The following PCDHA8 variants were observed in gnomAD, a reference collection of about 807,000 sequenced individuals.
PCDHA8 encodes the protein protocadherin alpha-8.
A neutral mutation model predicts 61.8 loss-of-function variants in PCDHA8; 53 were observed. That is an observed-to-expected ratio of 0.86 (90% CI 0.69 to 1.08). PCDHA8 has a LOEUF of 1.08. Ranked by LOEUF, PCDHA8 falls within the 50% of genes least tolerant of loss-of-function variation. The pLI is 0.00. For synonymous variants in PCDHA8, 618 were observed against 556.6 expected, an observed-to-expected ratio of 1.11 and a Z score of -1.55; for missense variants, 1,293 against 1,245.0, an observed-to-expected ratio of 1.04 and a Z score of -0.58.
At chr5:140,957,799 TA>T (rs1430681763) in intron 1 of PCDHA8, among the ~76,000 whole-genome samples, 2 of 152,032 alleles carry the variant, frequency 1.3e-5, no homozygotes, top group African/African-American at 2.4e-5. Context: ...ATATGTTAAG[TA>T]AAAAAAAGTC....
intron 1 of PCDHA8, chr5:140,861,630 G>A (rs2047000934): frequency 6.3e-6 from 2 of 317,346 alleles, no homozygotes; most frequent in Admixed American, 6.9e-5. Flanking sequence ...AGTGTTCTCA[G>A]CAACACAAAA....
chr5:140,924,900 AAAAAAT>A (rs2082118159), intron 1 of PCDHA8, among the ~76,000 whole-genome samples: 2 of 63,328 alleles, frequency 3.2e-5, no homozygotes, highest in African/African-American at 5.4e-5. Flanking sequence ...GTCTCAAAAA[AAAAAAT>A]AAAATAAAAT....
At chr5:140,901,340 T>G (rs1306421981) in intron 1 of PCDHA8, among the ~76,000 whole-genome samples, 1 of 152,206 alleles carries the variant, frequency 6.6e-6, no homozygotes, top group Non-Finnish European at 1.5e-5. Context: ...CGTTTTATAG[T>G]TTGATGTCTT....
chr5:140,927,897 T>A, intron 1 of PCDHA8: 1 of 1,614,204 alleles, frequency 6.2e-7, no homozygotes, highest in African/African-American at 1.3e-5. Flanking sequence ...ACGTGAACGA[T>A]CATGCCCCCG....
chr5:140,889,034 T>A (rs1554183750), intron 1 of PCDHA8, among the ~76,000 whole-genome samples: 4 of 152,080 alleles, frequency 2.6e-5, no homozygotes, highest in Non-Finnish European at 5.9e-5. Flanking sequence ...TAACCGTAAT[T>A]TGATTATAAT....
chr5:140,841,707 AC>A lies in PCDHA8; in HGVS notation c.389del (p.Pro130ArgfsTer6), dbSNP rs2150321294. ...VDVEVKDVND[N>X]PPVFRVKDQK... ...GTGGAGGTGAAGGATGTTAATGACA[AC>A]CCGCCAGTGTTCCGGGTAAAAGACC... On this transcript the variant is annotated frameshift_variant, in exon 1 of 4. Coordinates refer to ENST00000531613, the MANE Select transcript of PCDHA8 (RefSeq NM_018911.3). LOFTEE classifies it high-confidence loss of function. 1 of 1,613,698 alleles carries A rather than the reference AC, an allele frequency of 6.2e-7. No homozygotes were observed.
At chr5:140,881,648 CCTT>C (rs1554172342) in intron 1 of PCDHA8, among the ~76,000 whole-genome samples, 4 of 152,182 alleles carry the variant, frequency 2.6e-5, no homozygotes, top group African/African-American at 9.7e-5. Flanking sequence ...ATATTTTTCA[CCTT>C]CACCGATTTT....
intron 1 of PCDHA8, among the ~76,000 whole-genome samples, chr5:140,920,594 C>G (rs1347372573): frequency 1.3e-5 from 2 of 152,176 alleles, no homozygotes; most frequent in Admixed American, 1.3e-4. Flanking sequence ...GCCTGTAATC[C>G]CAGCACTTTG....
chr5:140,882,198 G>A lies in PCDHA8; in HGVS notation c.2394+38483G>A, dbSNP rs964999330. ...CCGCACTAGGAAGCCATAAAAATTG[G>A]GCCTTGAGAGACAGTTTGAGGTAAG... On this transcript the variant is annotated intron_variant, in intron 1 of 3. Coordinates refer to ENST00000531613, the MANE Select transcript of PCDHA8 (RefSeq NM_018911.3). The A allele has an allele frequency of 8.5e-6, 13 of 1,525,466 alleles. 1 individual carries two copies. In the East Asian group the frequency reaches 2.5e-4, roughly 29 times the overall value. The allele number at this position is 1,525,466 out of a possible 1,614,324, so 94.5% of individuals were successfully genotyped here.
chr5:140,875,134 T>G (rs2055288976), intron 1 of PCDHA8, among the ~76,000 whole-genome samples: 1 of 152,238 alleles, frequency 6.6e-6, no homozygotes, highest in Admixed American at 6.5e-5. Flanking sequence ...TAAACCCGCA[T>G]TTATAAATGA....
chr5:140,852,637 A>G (rs2150521055), intron 1 of PCDHA8: 1 of 959,312 alleles, frequency 1.0e-6, no homozygotes, highest in Non-Finnish European at 1.3e-6. Flanking sequence ...AGCTCCTGTC[A>G]TTAAACCTAT....
chr5:140,871,226 G>T, intron 1 of PCDHA8: 1 of 1,613,918 alleles, frequency 6.2e-7, no homozygotes, highest in South Asian at 1.1e-5. Flanking sequence ...GTGGTGTCCA[G>T]CCTCCTGGTA....
At chr5:141,007,402 A>G in intron 3 of PCDHA8, among the ~76,000 whole-genome samples, 2 of 149,740 alleles carry the variant, frequency 1.3e-5, no homozygotes. Context: ...ATACAAAAAA[A>G]AAAAAAAAAA....
At chr5:140,919,926 T>C (rs1040693581) in intron 1 of PCDHA8, among the ~76,000 whole-genome samples, 18 of 152,088 alleles carry the variant, frequency 1.2e-4, no homozygotes, top group African/African-American at 4.1e-4. Flanking sequence ...AATTTTCAGG[T>C]GGGGGCTAAT....
chr5:141,000,387 CTCTCTCTCTATATATA>C (rs1282156924), intron 3 of PCDHA8, among the ~76,000 whole-genome samples: 8 of 66,888 alleles, frequency 1.2e-4, no homozygotes, highest in African/African-American at 4.0e-4. Flanking sequence ...CTCTCTCTCT[CTCTCTCTCTATATATA>C]TATATATATA....
chr5:140,886,004 A>G lies in PCDHA8; in HGVS notation c.2394+42289A>G, dbSNP rs544401095. On this transcript the variant is annotated intron_variant, in intron 1 of 3. Transcript: ENST00000531613. Reference sequence around the variant, plus strand: ...TCGCATGTGGTTGAAAGAAATAGTAAAGGGAGATGCTATGTATTCTTCACT... The same window carrying G: ...TCGCATGTGGTTGAAAGAAATAGTAGAGGGAGATGCTATGTATTCTTCACT... Among the ~76,000 whole-genome samples, 7 of 152,268 alleles carry G rather than the reference A, an allele frequency of 4.6e-5. No homozygotes were observed. In the East Asian group the frequency reaches 1.3e-3, roughly 29 times the overall value.
At chr5:140,996,094 T>C (rs1428375932) in intron 3 of PCDHA8, among the ~76,000 whole-genome samples, 1 of 152,192 alleles carries the variant, frequency 6.6e-6, no homozygotes, top group Non-Finnish European at 1.5e-5. Flanking sequence ...CTAGATTACA[T>C]GGAATGGTAT....
At position 140,853,959 on chromosome 5, in the gene PCDHA8, G is replaced by A. The variant is rs2042923125; in HGVS notation, c.2394+10244G>A. 2.7e-6 allele frequency: 2 copies of A among 736,852 alleles called. 1 individual carries two copies. The highest frequency in any genetic ancestry group is 3.4e-6 in the Non-Finnish European group (2 of 589,618). The allele number at this position is 736,852 out of a possible 1,614,324, so 45.6% of individuals were successfully genotyped here. On this transcript the variant is annotated intron_variant, in intron 1 of 3. Transcript: ENST00000531613. ...CAAGGTGGGAGGGTCCCTTCCTTGA[G>A]CCCAGCAGTTTGAGACCAATGTAGT...
At chr5:140,889,835 C>A (rs899287696) in intron 1 of PCDHA8, among the ~76,000 whole-genome samples, 10 of 152,080 alleles carry the variant, frequency 6.6e-5, no homozygotes, top group African/African-American at 2.2e-4. Context: ...TTACAGTATG[C>A]TTTGGTCTCT....
Sources: gnomAD v4.1 joint callset for allele counts (sites outside exome capture counted in the v4.1 genomes callset) on GRCh38, gnomAD v4.1.1 for gene constraint, MANE v1.5 for transcripts, NCBI Gene and HGNC (gene_info 2026-07-23, HGNC 2026-07-21) for gene names.